The following CERS3 variants were observed in gnomAD, a reference collection of about 807,000 sequenced individuals.
The protein encoded by CERS3 is LAG1 homolog, ceramide synthase 3.
A neutral mutation model predicts 50.3 loss-of-function variants in CERS3; 33 were observed. The ratio of observed to expected loss-of-function variants is 0.66; its 90% CI spans 0.50 to 0.88. CERS3 has a LOEUF of 0.88. Among genes scored for constraint, CERS3 ranks in the 40% least tolerant of loss-of-function variants. The pLI is 0.00. For missense variants in CERS3, 470 were observed against 460.3 expected, an observed-to-expected ratio of 1.02 and a Z score of -0.19; for synonymous variants, 176 against 155.2, an observed-to-expected ratio of 1.13 and a Z score of -0.99.
intron 11 of CERS3, among the ~76,000 whole-genome samples, chr15:100,405,242 A>C (rs1473928089): frequency 8.3e-5 from 7 of 84,064 alleles, no homozygotes; most frequent in Admixed American, 1.3e-4. Context: ...GTAAAAAAAA[A>C]AAAAAACAAA....
chr15:100,451,297 C>T (rs1007979396), intron 11 of CERS3, among the ~76,000 whole-genome samples: 1 of 152,108 alleles, frequency 6.6e-6, no homozygotes, highest in Non-Finnish European at 1.5e-5. Flanking sequence ...TTAATACTAA[C>T]CTTGAATGTA....
chr15:100,497,997 G>A (rs764039210), intron 3 of CERS3, among the ~76,000 whole-genome samples: 1 of 151,084 alleles, frequency 6.6e-6, no homozygotes, highest in African/African-American at 2.4e-5. Context: ...GGGTTCAAGC[G>A]ATTCTCCTGC....
chr15:100,421,809 A>T (rs1410192775), intron 11 of CERS3, among the ~76,000 whole-genome samples: 3 of 114,342 alleles, frequency 2.6e-5, no homozygotes, highest in East Asian at 4.8e-4. Context: ...TCTTTGACAA[A>T]CCTGAGAAAA....
intron 11 of CERS3, among the ~76,000 whole-genome samples, chr15:100,421,778 C>T (rs955403096): frequency 3.7e-5 from 5 of 134,692 alleles, no homozygotes; most frequent in East Asian, 2.1e-4. Context: ...GAAATAATGC[C>T]GCGTATCTAC....
Position 100,479,486 on chromosome 15 carries a change from AAG to A in CERS3, c.466-10_466-9del. 1 of 1,587,996 alleles carries A rather than the reference AAG, an allele frequency of 6.3e-7. No individual in the cohort carries two copies. Among genetic ancestry groups the A allele is most frequent in the Non-Finnish European group, 8.5e-7 (1 of 1,172,328 alleles). On this transcript the variant is annotated splice_polypyrimidine_tract_variant and intron_variant, in intron 6 of 11. Transcript: ENST00000679737. ...GTCATATAGCCAAGGTTTCTGAAAGAAGAAAAAAAAAAAGAGCCAACAGATGA... is the reference window on the plus strand; with the variant it reads ...GTCATATAGCCAAGGTTTCTGAAAGAAAAAAAAAAAAGAGCCAACAGATGA...
chr15:100,534,042 A>G (rs1447970488), intron 1 of CERS3, among the ~76,000 whole-genome samples: 2 of 152,234 alleles, frequency 1.3e-5, no homozygotes, highest in Non-Finnish European at 2.9e-5. Context: ...TGCTGTATGC[A>G]GGCCAGACCA....
rs11857072 is a variant in CERS3, at chr15:100,445,761, A to G, written c.999+10132T>C. 1.8e-3 allele frequency among the ~76,000 whole-genome samples: 276 copies of G among 152,052 alleles called. 2 individuals carry two copies. The highest frequency in any genetic ancestry group is 5.8e-3 in the African/African-American group (239 of 41,474). ...TTCACCGTCCCAACACTTTACCACTATTTCATTTTATTTTTCTTATTAATA... is the reference window on the plus strand; with the variant it reads ...TTCACCGTCCCAACACTTTACCACTGTTTCATTTTATTTTTCTTATTAATA... On this transcript the variant is annotated intron_variant, in intron 11 of 11. Transcript: ENST00000679737.
chr15:100,403,466 A>G (rs2030719933), intron 11 of CERS3, among the ~76,000 whole-genome samples: 1 of 152,160 alleles, frequency 6.6e-6, no homozygotes, highest in Non-Finnish European at 1.5e-5. Context: ...AATAAACCCA[A>G]AAGCCAATTC....
chr15:100,450,840 A>T (rs778325735), intron 11 of CERS3, among the ~76,000 whole-genome samples: 12 of 152,200 alleles, frequency 7.9e-5, no homozygotes, highest in Non-Finnish European at 1.3e-4. Context: ...GGGAACCATC[A>T]TCGGACTAAC....
In CERS3 at chr15:100,536,783, T is replaced by C. The variant is rs543333414; in HGVS notation, c.-354-7708A>G. 5.8e-4 allele frequency among the ~76,000 whole-genome samples: 89 copies of C among 152,332 alleles called. 1 individual carries two copies. The highest frequency in any genetic ancestry group is 5.2e-3 in the Admixed American group (79 of 15,300). On this transcript the variant is annotated intron_variant, in intron 1 of 12. Coordinates refer to the CERS3 transcript ENST00000284382. ...GCTGGGCACCTCAGTCAATGTTCCA[T>C]GTGCTTTGAATATATTTATATGAGT...
chr15:100,469,764 C>G (rs554587726), intron 9 of CERS3, among the ~76,000 whole-genome samples: 7 of 152,128 alleles, frequency 4.6e-5, no homozygotes, highest in Admixed American at 4.6e-4. Flanking sequence ...TAATACCACT[C>G]GTGTCTTTTG....
intron 11 of CERS3, among the ~76,000 whole-genome samples, chr15:100,415,603 A>G (rs4600446): frequency 0.57 from 86,468 of 152,032 alleles, 24,825 homozygotes; most frequent in Non-Finnish European, 0.6. Flanking sequence ...ATGGAATACT[A>G]TGCAGTTATA....
Position 100,484,632 on chromosome 15 carries a change from T to C in CERS3, c.325A>G (p.Thr109Ala). The change falls in exon 5 of 12, where the codon ACG (threonine) becomes GCG (alanine). Residue 109 changes from threonine (T) to alanine (A), a missense_variant. Physicochemically the swap from Thr to Ala is moderately conservative, Grantham distance 58 (BLOSUM62 0). Transcript: ENST00000679737. Reference sequence around the variant, plus strand: ...AACCATCTTTCCACCTGGCGCTCCGTCAAGTTACACTTCTTTGCCAGTCCA... The same window carrying C: ...AACCATCTTTCCACCTGGCGCTCCGCCAAGTTACACTTCTTTGCCAGTCCA... ...IYGLAKKCNL[T>A]ERQVERWFRS... 1 of 1,614,126 alleles carries C rather than the reference T, an allele frequency of 6.2e-7. No homozygotes were observed. The highest frequency in any genetic ancestry group is 8.5e-7 in the Non-Finnish European group (1 of 1,179,954).
intron 11 of CERS3, among the ~76,000 whole-genome samples, chr15:100,441,801 C>T (rs191442110): frequency 1.7e-3 from 203 of 122,406 alleles, no homozygotes; most frequent in African/African-American, 5.4e-3. Flanking sequence ...ACACATCAGT[C>T]CCCCCCAGTC....
intron 11 of CERS3, among the ~76,000 whole-genome samples, chr15:100,403,587 A>G (rs1029747819): frequency 6.6e-6 from 1 of 152,214 alleles, no homozygotes; most frequent in African/African-American, 2.4e-5. Context: ...CAGACAATAT[A>G]AGAATAACAA....
At chr15:100,420,646 C>T (rs1199009796) in intron 11 of CERS3, among the ~76,000 whole-genome samples, 2 of 151,524 alleles carry the variant, frequency 1.3e-5, no homozygotes, top group Non-Finnish European at 2.9e-5. Flanking sequence ...GAATTTTAGA[C>T]CAATATCCTT....
chr15:100,519,676 T>C (rs1006163049), intron 2 of CERS3, among the ~76,000 whole-genome samples: 2 of 152,180 alleles, frequency 1.3e-5, no homozygotes, highest in Non-Finnish European at 2.9e-5. Flanking sequence ...GTACACAAGG[T>C]TGGGAATGTT....
chr15:100,485,446 G>A (rs1015854547), intron 4 of CERS3, among the ~76,000 whole-genome samples: 1 of 152,156 alleles, frequency 6.6e-6, no homozygotes, highest in East Asian at 1.9e-4. Flanking sequence ...AAATGGACCA[G>A]GTCTGTTTCA....
At chr15:100,436,253 A>G (rs1385453451) in intron 11 of CERS3, among the ~76,000 whole-genome samples, 1 of 152,234 alleles carries the variant, frequency 6.6e-6, no homozygotes, top group African/African-American at 2.4e-5. Context: ...CTGGATAAAG[A>G]AAATGTGGCA....
Sources: gnomAD v4.1 joint callset for allele counts (sites outside exome capture counted in the v4.1 genomes callset) on GRCh38, gnomAD v4.1.1 for gene constraint, MANE v1.5 for transcripts, NCBI Gene and HGNC (gene_info 2026-07-23, HGNC 2026-07-21) for gene names.